The following ARSG variants were observed in gnomAD, a reference collection of about 807,000 sequenced individuals.
ARSG encodes the protein ASG.
ARSG carries 37 observed loss-of-function variants against 50.5 expected under a neutral mutation model. That is an observed-to-expected ratio of 0.73 (90% confidence interval 0.56 to 0.96). The LOEUF (loss-of-function observed/expected upper bound fraction) is 0.96. Ranked by LOEUF, ARSG falls within the 50% of genes least tolerant of loss-of-function variation. The pLI is 0.00. For synonymous variants in ARSG, 225 were observed against 254.6 expected, an observed-to-expected ratio of 0.88 and a Z score of 1.11; for missense variants, 629 against 675.3, an observed-to-expected ratio of 0.93 and a Z score of 0.76.
At chr17:68,318,622 G>A (rs1022764895) in intron 2 of ARSG, among the ~76,000 whole-genome samples, 1 of 152,222 alleles carries the variant, frequency 6.6e-6, no homozygotes, top group East Asian at 1.9e-4. Flanking sequence ...ACTCAGAGGT[G>A]CAGGTGACAG....
intron 1 of ARSG, among the ~76,000 whole-genome samples, chr17:68,303,191 C>G (rs913269981): frequency 1.3e-5 from 2 of 152,136 alleles, no homozygotes; most frequent in African/African-American, 2.4e-5. Context: ...GTGGCACCAT[C>G]ATAGCTCGCC....
the ARSG span, chr17:68,436,445 A>G: frequency 1.2e-6 from 2 of 1,614,080 alleles, no homozygotes; most frequent in Non-Finnish European, 1.7e-6. Context: ...AGGCCAGGTA[A>G]GAATTGGAAT....
At chr17:68,298,276 CT>C (rs1436968831) in intron 1 of ARSG, among the ~76,000 whole-genome samples, 1 of 152,102 alleles carries the variant, frequency 6.6e-6, no homozygotes, top group Non-Finnish European at 1.5e-5. Context: ...TTAGGGGAAT[CT>C]GTCTTGGGGT....
chr17:68,331,233 G>T (rs149954702), intron 2 of ARSG, among the ~76,000 whole-genome samples: 2 of 84,926 alleles, frequency 2.4e-5, no homozygotes, highest in African/African-American at 1.1e-4. Context: ...TTCTTTCTTT[G>T]TTTCTTTCTT....
chr17:68,413,410 G>C (rs2082138613), intron 11 of ARSG, among the ~76,000 whole-genome samples: 2 of 152,226 alleles, frequency 1.3e-5, no homozygotes, highest in African/African-American at 2.4e-5. Flanking sequence ...CCTGCTGGGG[G>C]GTGCCTCCCA....
chr17:68,386,166 G>T (rs1433123862), intron 9 of ARSG, among the ~76,000 whole-genome samples: 1 of 152,178 alleles, frequency 6.6e-6, no homozygotes, highest in Non-Finnish European at 1.5e-5. Flanking sequence ...CCCAGCTATG[G>T]AACCATGACT....
upstream of ARSG, among the ~76,000 whole-genome samples, chr17:68,287,990 CT>C (rs542264053): frequency 0.027 from 3,373 of 126,036 alleles, 46 homozygotes; most frequent in Non-Finnish European, 0.042. Flanking sequence ...TCCCTCCTTT[CT>C]TTTTTTTTTT....
At chr17:68,420,157 T>C (rs201180802) in intron 11 of ARSG, 32 bp from the exon 12 acceptor site, 1 of 1,609,602 alleles carries the variant, frequency 6.2e-7, no homozygotes, top group Non-Finnish European at 8.5e-7. Flanking sequence ...CTGTCAGGGT[T>C]AGCGAGGCAT....
intron 8 of ARSG, among the ~76,000 whole-genome samples, chr17:68,375,620 G>A (rs1036418252): frequency 6.6e-5 from 10 of 152,194 alleles, no homozygotes; most frequent in African/African-American, 1.9e-4. Flanking sequence ...GGGCTCAGTA[G>A]CCATATGTGG....
chr17:68,330,792 G>T (rs1327690160), intron 2 of ARSG, among the ~76,000 whole-genome samples: 5 of 152,132 alleles, frequency 3.3e-5, no homozygotes, highest in African/African-American at 1.2e-4. Flanking sequence ...TTAAGACAAG[G>T]CTGATGGCAT....
chr17:68,283,499 C>CAAAAA, intron 1 of ARSG, among the ~76,000 whole-genome samples: 1 of 138,180 alleles, frequency 7.2e-6, no homozygotes, highest in South Asian at 2.3e-4. Context: ...CCAGCCTGGG[C>CAAAAA]GACAGAGTGA....
chr17:68,436,822 C>T, the ARSG span, among the ~76,000 whole-genome samples: 1 of 151,948 alleles, frequency 6.6e-6, no homozygotes, highest in African/African-American at 2.4e-5. Context: ...CATGGTGAAA[C>T]CCCATCTCTA....
At chr17:68,300,224 G>A (rs1316900416) in intron 1 of ARSG, among the ~76,000 whole-genome samples, 2 of 152,172 alleles carry the variant, frequency 1.3e-5, no homozygotes, top group South Asian at 2.1e-4. Context: ...GGGATTACAC[G>A]TGTGGCCCAC....
intron 1 of ARSG, among the ~76,000 whole-genome samples, chr17:68,281,383 A>G (rs1226300455): frequency 6.6e-6 from 1 of 152,026 alleles, no homozygotes; most frequent in Non-Finnish European, 1.5e-5. Flanking sequence ...CCTGGCCAAC[A>G]TAGTGAAATC....
At chr17:68,443,481 G>A in the ARSG span, among the ~76,000 whole-genome samples, 2 of 152,154 alleles carry the variant, frequency 1.3e-5, no homozygotes, top group Non-Finnish European at 2.9e-5. Flanking sequence ...AACAGCCAAG[G>A]GCCATTTATA....
At chr17:68,270,660 T>C (rs2075309428) in intron 1 of ARSG, among the ~76,000 whole-genome samples, 1 of 152,124 alleles carries the variant, frequency 6.6e-6, no homozygotes, top group Non-Finnish European at 1.5e-5. Context: ...TTCTTTGGCC[T>C]TCAGTTTCCT....
chr17:68,277,152 G>A (rs2075549209), intron 1 of ARSG, among the ~76,000 whole-genome samples: 1 of 152,026 alleles, frequency 6.6e-6, no homozygotes, highest in Admixed American at 6.6e-5. Context: ...ATTATTTTGA[G>A]ATGGAGTCTC....
chr17:68,329,985 G>A (rs2077659940), intron 2 of ARSG, among the ~76,000 whole-genome samples: 1 of 152,156 alleles, frequency 6.6e-6, no homozygotes, highest in Non-Finnish European at 1.5e-5. Flanking sequence ...CAAGACGGGT[G>A]GATCACCTGA....
chr17:68,435,597 G>A, the ARSG span: 3 of 1,611,254 alleles, frequency 1.9e-6, no homozygotes, highest in South Asian at 2.2e-5. Context: ...CCCAGACAGA[G>A]GTGTTGGTGG....
Sources: gnomAD v4.1 joint callset for allele counts (sites outside exome capture counted in the v4.1 genomes callset) on GRCh38, gnomAD v4.1.1 for gene constraint, MANE v1.5 for transcripts, NCBI Gene and HGNC (gene_info 2026-07-23, HGNC 2026-07-21) for gene names.